B3GALT1: variants seen among roughly 807,000 people sequenced by gnomAD.
B3GALT1 encodes the protein UDP-Gal:betaGlcNAc beta 1,3-galactosyltransferase, polypeptide 1.
Under a neutral mutation model 23.2 loss-of-function variants are expected in B3GALT1, and 10 were observed. The observed-to-expected ratio is 0.43, with a 90% CI of 0.27 to 0.73. The LOEUF (loss-of-function observed/expected upper bound fraction) is 0.73. B3GALT1 is among the 30% of genes least tolerant of loss of function. B3GALT1 has a pLI of 0.21. For synonymous variants in B3GALT1, 156 were observed against 141.5 expected (o/e 1.10, Z -0.73); for missense variants, 299 against 405.4 (o/e 0.74, Z 2.25).
At chr2:167,359,851 T>C (rs915680488) in intron 1 of B3GALT1, among the ~76,000 whole-genome samples, 1 of 151,954 alleles carries the variant, frequency 6.6e-6, no homozygotes, top group Non-Finnish European at 1.5e-5. Flanking sequence ...CTACCACAGC[T>C]GGAAACTATA....
chr2:167,654,388 C>T (rs1685917723), intron 3 of B3GALT1, among the ~76,000 whole-genome samples: 1 of 152,178 alleles, frequency 6.6e-6, no homozygotes, highest in African/African-American at 2.4e-5. Context: ...TTCTGCTCCC[C>T]ACTTCTCCCA....
chr2:167,842,171 A>G (rs1194260590), intron 4 of B3GALT1, among the ~76,000 whole-genome samples: 1 of 152,232 alleles, frequency 6.6e-6, no homozygotes, highest in African/African-American at 2.4e-5. Context: ...GTCAAAACAA[A>G]GCAAAATAGA....
At chr2:167,498,141 G>A (rs957192388) in intron 2 of B3GALT1, among the ~76,000 whole-genome samples, 1 of 152,130 alleles carries the variant, frequency 6.6e-6, no homozygotes, top group African/African-American at 2.4e-5. Flanking sequence ...CACACGCTTT[G>A]GCAAAGTGAT....
At chr2:167,570,797 CAT>C (rs1684278163) in intron 2 of B3GALT1, among the ~76,000 whole-genome samples, 1 of 151,852 alleles carries the variant, frequency 6.6e-6, no homozygotes, top group African/African-American at 2.4e-5. Context: ...GGGGTTATAT[CAT>C]ATAGTGAGCT....
chr2:167,358,636 CTTTA>C (rs3061437), intron 1 of B3GALT1, among the ~76,000 whole-genome samples: 122,277 of 151,372 alleles, frequency 0.81, 51,171 homozygotes, highest in East Asian at 0.92. Flanking sequence ...ATTAAGAATC[CTTTA>C]TTTAAGTGTG....
intron 2 of B3GALT1, among the ~76,000 whole-genome samples, chr2:167,595,952 C>G (rs1451794377): frequency 6.6e-6 from 1 of 152,144 alleles, no homozygotes; most frequent in African/African-American, 2.4e-5. Context: ...CCTAATACTG[C>G]TATTTTGTAA....
intron 1 of B3GALT1, among the ~76,000 whole-genome samples, chr2:167,444,226 C>T (rs1362200672): frequency 6.6e-6 from 1 of 152,174 alleles, no homozygotes; most frequent in African/African-American, 2.4e-5. Context: ...CCCACTTGAT[C>T]ATGGTGGATA....
chr2:167,796,436 T>C (rs975159891), intron 3 of B3GALT1, among the ~76,000 whole-genome samples: 30 of 152,208 alleles, frequency 2.0e-4, no homozygotes, highest in Non-Finnish European at 7.3e-5. Flanking sequence ...AATAACATTT[T>C]CCCATTCTAA....
chr2:167,519,493 A>G (rs1274167057), intron 2 of B3GALT1, among the ~76,000 whole-genome samples: 2 of 152,176 alleles, frequency 1.3e-5, no homozygotes, highest in Non-Finnish European at 2.9e-5. Context: ...AGTATATTTT[A>G]TATGTGCCAT....
At chr2:167,799,391 C>A (rs1250668018) in intron 3 of B3GALT1, among the ~76,000 whole-genome samples, 1 of 152,064 alleles carries the variant, frequency 6.6e-6, no homozygotes, top group African/African-American at 2.4e-5. Flanking sequence ...CTTTGTATAC[C>A]TTTGTGTACC....
intron 3 of B3GALT1, among the ~76,000 whole-genome samples, chr2:167,773,140 G>T (rs962207101): frequency 6.6e-6 from 1 of 152,070 alleles, no homozygotes; most frequent in East Asian, 1.9e-4. Flanking sequence ...GATGAATTGA[G>T]AATTTATTAA....
intron 1 of B3GALT1, among the ~76,000 whole-genome samples, chr2:167,469,957 C>A (rs2105330316): frequency 6.6e-6 from 1 of 152,246 alleles, no homozygotes; most frequent in South Asian, 2.1e-4. Context: ...GAAAGACTGT[C>A]TTTCCCACAA....
chr2:167,825,522 A>C (rs1689202940), intron 4 of B3GALT1, among the ~76,000 whole-genome samples: 1 of 149,670 alleles, frequency 6.7e-6, no homozygotes, highest in Non-Finnish European at 1.5e-5. Flanking sequence ...TACATATATA[A>C]AAAGGCCACC....
intron 1 of B3GALT1, among the ~76,000 whole-genome samples, chr2:167,398,118 A>G (rs540300810): frequency 3.5e-4 from 53 of 152,276 alleles, no homozygotes; most frequent in Admixed American, 3.4e-3. Context: ...CTTATTATAT[A>G]TAAATGCTTT....
intron 4 of B3GALT1, among the ~76,000 whole-genome samples, chr2:167,838,930 G>A (rs373111177): frequency 8.5e-4 from 130 of 152,168 alleles, no homozygotes; most frequent in African/African-American, 1.8e-3. Flanking sequence ...CAAAAACCAC[G>A]TGATTATCTC....
rs182134248 is a variant in B3GALT1 at position 167,658,666 on chromosome 2, A to G, written c.-352+11700A>G. The stretch of plus-strand genomic sequence containing the variant: ...TACATTTACCAACACATTAATGGAA[A>G]CTGTATGAATAGGTTGATACAGTTC... On this transcript the variant is annotated intron_variant, in intron 3 of 4. Transcript: ENST00000392690. Among the ~76,000 whole-genome samples, 47 of 152,190 alleles carry G rather than the reference A, an allele frequency of 3.1e-4. 1 individual carries two copies. The highest frequency in any genetic ancestry group is 1.9e-3 in the Admixed American group (29 of 15,266).
intron 1 of B3GALT1, among the ~76,000 whole-genome samples, chr2:167,437,499 G>T (rs1229316929): frequency 6.6e-6 from 1 of 152,120 alleles, no homozygotes. Context: ...TTTAAAATTT[G>T]TGTCCCCTTC....
intron 1 of B3GALT1, among the ~76,000 whole-genome samples, chr2:167,311,552 A>G (rs944393564): frequency 5.3e-5 from 8 of 152,048 alleles, no homozygotes; most frequent in Non-Finnish European, 7.4e-5. Flanking sequence ...TATTTAAATA[A>G]TCATATGTAA....
intron 2 of B3GALT1, among the ~76,000 whole-genome samples, chr2:167,573,980 A>G (rs188306507): frequency 7.1e-4 from 108 of 151,718 alleles, no homozygotes; most frequent in Non-Finnish European, 1.3e-3. Flanking sequence ...AAGAGTAACA[A>G]TATGGGATCC....
Sources: allele counts gnomAD v4.1 joint callset (sites outside exome capture counted in the v4.1 genomes callset), GRCh38; gene constraint gnomAD v4.1.1; transcripts MANE v1.5; gene names NCBI Gene and HGNC (gene_info 2026-07-23, HGNC 2026-07-21).